The following CACNA1A variants were observed in gnomAD, a reference collection of about 807,000 sequenced individuals.
CACNA1A encodes the protein voltage-dependent P/Q-type calcium channel subunit alpha-1A.
Under a neutral mutation model 262.4 loss-of-function variants are expected in CACNA1A, and 57 were observed. The observed-to-expected ratio is 0.22, with a 90% confidence interval of 0.18 to 0.27. CACNA1A has a LOEUF of 0.27. Among genes scored for constraint, CACNA1A ranks in the 10% least tolerant of loss-of-function variants. The pLI, the probability that CACNA1A is intolerant of heterozygous loss-of-function variation, is 1.00. For missense variants in CACNA1A, 2,526 were observed against 3,562.8 expected, an observed-to-expected ratio of 0.71 and a Z score of 7.41; for synonymous variants, 1,431 against 1,419.3, an observed-to-expected ratio of 1.01 and a Z score of -0.18.
chr19:13,216,989 T>C (rs2055037342), intron 38 of CACNA1A, among the ~76,000 whole-genome samples: 1 of 152,018 alleles, frequency 6.6e-6, no homozygotes, highest in South Asian at 2.1e-4. Context: ...AAAAATTAGC[T>C]GGGCGTGGTG....
chr19:13,212,148 G>A lies in CACNA1A; in HGVS notation c.6258C>T (p.Gly2086=), dbSNP rs1320367178. 6 of 1,613,674 alleles carry A rather than the reference G, an allele frequency of 3.7e-6. No homozygotes were observed. In the East Asian group the frequency reaches 1.3e-4, roughly 36 times the overall value. Residue 2086 remains glycine (G), a synonymous_variant, in exon 43 of 47, where the codon GGC becomes GGT. Transcript: ENST00000360228. This position sits in a 1 kb window ranked among gnomAD's most constrained non-coding sequence, Gnocchi z 5.6. ...SDSEHYLPME[G]QGRAASMPRL... ...GGGGCATGGAGGCAGCCCGGCCCTGGCCTTCCATGGGGAGGTAGTGCTCGC... is the reference window on the plus strand; with the variant it reads ...GGGGCATGGAGGCAGCCCGGCCCTGACCTTCCATGGGGAGGTAGTGCTCGC...
intron 3 of CACNA1A, among the ~76,000 whole-genome samples, chr19:13,431,666 A>T (rs1227852838): frequency 6.6e-6 from 1 of 152,190 alleles, no homozygotes; most frequent in African/African-American, 2.4e-5. Context: ...TATGGCGTGT[A>T]TATGTACACA....
At chr19:13,405,569 G>A (rs1392956165) in intron 3 of CACNA1A, among the ~76,000 whole-genome samples, 11 of 152,070 alleles carry the variant, frequency 7.2e-5, no homozygotes, top group Admixed American at 4.6e-4. Context: ...GCGCTTACAA[G>A]GAGCCGGATA....
intron 2 of CACNA1A, among the ~76,000 whole-genome samples, chr19:13,453,695 T>C (rs768405349): frequency 1.3e-4 from 20 of 152,192 alleles, no homozygotes; most frequent in Admixed American, 5.2e-4. Context: ...TGCTAATCTA[T>C]CATATTTGAA....
chr19:13,255,952 T>C, intron 28 of CACNA1A, among the ~76,000 whole-genome samples: 1 of 132,944 alleles, frequency 7.5e-6, no homozygotes, highest in African/African-American at 2.8e-5. Flanking sequence ...CCTTTCTTTC[T>C]CTCTCTCATT....
intron 3 of CACNA1A, among the ~76,000 whole-genome samples, chr19:13,380,762 TTTA>T (rs1242819215): frequency 1.7e-5 from 2 of 117,402 alleles, no homozygotes; most frequent in African/African-American, 5.3e-5. Flanking sequence ...TATTTATTTA[TTTA>T]TTTATTTATT....
chr19:13,375,906 T>A (rs2059397478), intron 3 of CACNA1A, among the ~76,000 whole-genome samples: 1 of 152,166 alleles, frequency 6.6e-6, no homozygotes, highest in Admixed American at 6.5e-5. Context: ...ACATGAATGA[T>A]AAGAAAGTAA....
At chr19:13,342,835 A>C (rs1404318149) in intron 6 of CACNA1A, among the ~76,000 whole-genome samples, 1 of 152,184 alleles carries the variant, frequency 6.6e-6, no homozygotes, top group African/African-American at 2.4e-5. Context: ...TGAGCAGGAA[A>C]TACATCTGTT....
At chr19:13,461,924 G>A (rs986676691) in intron 1 of CACNA1A, among the ~76,000 whole-genome samples, 3 of 152,184 alleles carry the variant, frequency 2.0e-5, no homozygotes, top group African/African-American at 7.2e-5. Context: ...GGCAGGTGAG[G>A]AGACACAGAG....
At chr19:13,349,473 T>C (rs181988647) in intron 6 of CACNA1A, among the ~76,000 whole-genome samples, 66 of 152,244 alleles carry the variant, frequency 4.3e-4, no homozygotes, top group Admixed American at 2.0e-3. Context: ...ATTTCTGGCT[T>C]TTCTGAGCCA....
intron 3 of CACNA1A, among the ~76,000 whole-genome samples, chr19:13,397,917 C>A (rs2059836074): frequency 6.6e-6 from 1 of 152,128 alleles, no homozygotes; most frequent in Non-Finnish European, 1.5e-5. Context: ...TGGAACAAGC[C>A]TGGGCCCCTG....
chr19:13,341,383 A>C (rs1333984030), intron 6 of CACNA1A, among the ~76,000 whole-genome samples: 3 of 152,102 alleles, frequency 2.0e-5, no homozygotes, highest in Non-Finnish European at 4.4e-5. Context: ...GAGAATAAAT[A>C]AATTTCTGTT....
intron 1 of CACNA1A, among the ~76,000 whole-genome samples, chr19:13,467,121 G>C (rs2145012343): frequency 6.6e-6 from 1 of 152,158 alleles, no homozygotes; most frequent in Middle Eastern, 3.4e-3. Context: ...ACCCAGGAGG[G>C]GAAGCAGCCA....
chr19:13,317,125 G>T lies in CACNA1A; in HGVS notation c.1542C>A (p.Leu514=). The T allele has an allele frequency of 6.2e-7, 1 of 1,605,738 alleles. No homozygotes were observed. Among genetic ancestry groups the T allele is most frequent in the East Asian group, 2.2e-5 (1 of 44,666 alleles). ...GGTGATACTCACAAAGGAAGTCGGA[G>T]AGCCACTCGGGCTGGTTGTAGTGAA... The part of the protein sequence containing the change: ...AIVHYNQPEW[L]SDFLYYAEFI... Residue 514 remains leucine, a synonymous_variant, in exon 11 of 47, where the codon CTC becomes CTA. Transcript: ENST00000360228.
chr19:13,482,659 A>G (rs1979471873), intron 1 of CACNA1A, among the ~76,000 whole-genome samples: 1 of 152,034 alleles, frequency 6.6e-6, no homozygotes, highest in Non-Finnish European at 1.5e-5. Context: ...GCTGTCTTCC[A>G]TTACCCCAAA....
At chr19:13,281,765 T>C (rs1453554956) in intron 22 of CACNA1A, among the ~76,000 whole-genome samples, 1 of 152,182 alleles carries the variant, frequency 6.6e-6, no homozygotes, top group Non-Finnish European at 1.5e-5. Context: ...GTGAACGTTA[T>C]GGGGCCACAG....
chr19:13,400,686 G>T (rs577971719), intron 3 of CACNA1A, among the ~76,000 whole-genome samples: 5 of 152,124 alleles, frequency 3.3e-5, no homozygotes, highest in Non-Finnish European at 7.4e-5. Context: ...AGACATTTTT[G>T]GTTCTCACAA....
chr19:13,222,543 G>A (rs757795591), intron 38 of CACNA1A, among the ~76,000 whole-genome samples: 3 of 150,394 alleles, frequency 2.0e-5, no homozygotes. Context: ...CTACAGGTGC[G>A]TGCCACCACA....
intron 16 of CACNA1A, 60 bp downstream of exon 16, chr19:13,303,707 G>A: frequency 1.3e-6 from 2 of 1,558,958 alleles, no homozygotes; most frequent in South Asian, 1.1e-5. Flanking sequence ...TTGAGCCCCT[G>A]CAACCTCTCC....
Sources: allele counts gnomAD v4.1 joint callset (sites outside exome capture counted in the v4.1 genomes callset), GRCh38; gene constraint gnomAD v4.1.1; non-coding constraint Gnocchi (gnomAD v3.1); transcripts MANE v1.5; gene names NCBI Gene and HGNC (gene_info 2026-07-23, HGNC 2026-07-21).